GLS: variants seen among roughly 807,000 people sequenced by gnomAD.
GLS encodes the protein glutaminase kidney isoform, mitochondrial.
A neutral mutation model predicts 86.7 loss-of-function variants in GLS; 36 were observed. The observed-to-expected ratio is 0.42, with a 90% CI of 0.32 to 0.55. The LOEUF (loss-of-function observed/expected upper bound fraction) is 0.55. Among genes scored for constraint, GLS ranks in the 20% least tolerant of loss-of-function variants. GLS has a pLI of 0.17. For synonymous variants in GLS, 317 were observed against 305.9 expected, an observed-to-expected ratio of 1.04 and a Z score of -0.38; for missense variants, 528 against 833.4, an observed-to-expected ratio of 0.63 and a Z score of 4.51.
chr2:190,931,737 G>A (rs1234010469), intron 14 of GLS, 100 bp downstream of exon 14: 9 of 566,700 alleles, frequency 1.6e-5, no homozygotes, highest in South Asian at 1.3e-4. Flanking sequence ...TAGTGGCCTC[G>A]GGTCTTTGCT....
In GLS at chr2:190,880,914, A is replaced by ACCC. The variant is rs1688124365; in HGVS notation, c.-171_-170insCCC. ...CAGCAGCAGCAGCAGCAGCAGCAGCAGCAGCACCCGCATCCGCTGCGGGAG... is the reference window on the plus strand; with the variant it reads ...CAGCAGCAGCAGCAGCAGCAGCAGCACCCGCAGCACCCGCATCCGCTGCGGGAG... On this transcript the variant is annotated 5_prime_UTR_variant, in exon 1 of 18. Transcript: ENST00000320717. The ACCC allele has an allele frequency of 1.4e-5, 13 of 938,330 alleles. No homozygotes were observed. The South Asian group carries it at 1.6e-4, about 11-fold the overall frequency. The allele number at this position is 938,330 out of a possible 1,614,324, so 58.1% of individuals were successfully genotyped here.
chr2:190,906,069 C>G (rs1292228758), intron 6 of GLS, among the ~76,000 whole-genome samples: 1 of 152,048 alleles, frequency 6.6e-6, no homozygotes, highest in Non-Finnish European at 1.5e-5. Flanking sequence ...AGAGCAGTTA[C>G]ATTTTCTTTC....
chr2:190,924,478 A>C lies in GLS; in HGVS notation c.1198-65A>C, dbSNP rs116739893. On this transcript the variant is annotated intron_variant, in intron 10 of 17. Transcript: ENST00000320717. The surrounding 1 kb of genome is among the most constrained non-coding windows in gnomAD (Gnocchi z 5.2). ...CTTGTGTACATTTGAAATTTTTCATATATTTCTCTACTTATGTGCATTCCT... is the reference window on the plus strand; with the variant it reads ...CTTGTGTACATTTGAAATTTTTCATCTATTTCTCTACTTATGTGCATTCCT... The C allele has an allele frequency of 4.6e-5, 38 of 821,314 alleles. No homozygotes were observed. In the African/African-American group the frequency reaches 6.2e-4, roughly 13 times the overall value. The allele number at this position is 821,314 out of a possible 1,614,324, so 50.9% of individuals were successfully genotyped here.
chr2:190,917,633 A>G (rs1689581944), intron 7 of GLS, among the ~76,000 whole-genome samples: 1 of 152,336 alleles, frequency 6.6e-6, no homozygotes, highest in East Asian at 1.9e-4. Context: ...TTTCTTAAAT[A>G]GTAAGACTTG....
intron 1 of GLS, among the ~76,000 whole-genome samples, 179 bp from the exon 2 acceptor site, chr2:190,894,973 A>T (rs566666614): frequency 6.6e-6 from 1 of 152,204 alleles, no homozygotes; most frequent in East Asian, 1.9e-4. Flanking sequence ...CTTGTTTTTC[A>T]GTGTGGTTTA....
chr2:190,883,124 A>G (rs1487936899), intron 1 of GLS, among the ~76,000 whole-genome samples: 2 of 152,146 alleles, frequency 1.3e-5, no homozygotes, highest in African/African-American at 4.8e-5. Context: ...CAAACAGGAA[A>G]TTGAGCTTCT....
In GLS at chr2:190,930,671, C is replaced by T. The variant is rs1028686249; in HGVS notation, c.1557+103C>T. 1.3e-5 allele frequency: 14 copies of T among 1,062,630 alleles called. No individual in the cohort carries two copies. The highest frequency in any genetic ancestry group is 5.1e-5 in the East Asian group (2 of 39,430). The allele number at this position is 1,062,630 out of a possible 1,614,324, so 65.8% of individuals were successfully genotyped here. On this transcript the variant is annotated intron_variant, in intron 13 of 17. Coordinates refer to ENST00000320717, the MANE Select transcript of GLS (RefSeq NM_014905.5). The surrounding 1 kb of genome is among the most constrained non-coding windows in gnomAD (Gnocchi z 5.0). The stretch of plus-strand genomic sequence containing the variant: ...CATAGTTCATTAACTCTTGGCCCTC[C>T]GCCTATAGTGTGCCAGTTACTAGGG...
At chr2:190,940,024 A>T (rs2124930035) in intron 14 of GLS, among the ~76,000 whole-genome samples, 1 of 151,986 alleles carries the variant, frequency 6.6e-6, no homozygotes, top group South Asian at 2.1e-4. Context: ...ATCTTTATAT[A>T]TGTTCACTTC....
Position 190,880,873 on chromosome 2 carries a change from GCA to G in GLS, c.-211_-210del. ...GAACCGGTCGCGGCAATCCTAGCGC[GCA>G]GCAGCAGCAGCAGCAGCAGCAGCAG... On this transcript the variant is annotated 5_prime_UTR_variant, in exon 1 of 18. Transcript: ENST00000320717. 4 of 88,606 alleles carry G rather than the reference GCA, an allele frequency of 4.5e-5. No homozygotes were observed. The South Asian group carries it at 6.6e-4, about 15-fold the overall frequency. 5.5% of individuals were successfully genotyped at this position (88,606 alleles called of 1,614,324 possible).
intron 14 of GLS, among the ~76,000 whole-genome samples, chr2:190,952,564 G>C (rs1431533858): frequency 6.6e-6 from 1 of 152,190 alleles, no homozygotes; most frequent in African/African-American, 2.4e-5. Context: ...GAAGGGGGAA[G>C]CCATACTGGA....
chr2:190,943,211 G>T lies in GLS; in HGVS notation c.1651-10354G>T, dbSNP rs1001146325. Reference sequence around the variant, plus strand: ...TAGCTAATGTTTGAGATATTTGTGAGATATCTAAGTAGTGATGTTGAGTAA... The same window carrying T: ...TAGCTAATGTTTGAGATATTTGTGATATATCTAAGTAGTGATGTTGAGTAA... On this transcript the variant is annotated intron_variant, in intron 14 of 17. Transcript: ENST00000320717. This position sits in a 1 kb window ranked among gnomAD's most constrained non-coding sequence, Gnocchi z 4.5. 1.3e-5 allele frequency among the ~76,000 whole-genome samples: 2 copies of T among 152,180 alleles called. No individual in the cohort carries two copies. The highest frequency in any genetic ancestry group is 4.8e-5 in the African/African-American group (2 of 41,420).
chr2:190,897,468 A>T lies in GLS; in HGVS notation c.605+1743A>T, dbSNP rs1688784942. ...TGTTTTAAACACTAATCCAATTTTT[A>T]AAAATCTATGCTTGTAATACAGGCA... On this transcript the variant is annotated intron_variant, in intron 3 of 17. Transcript: ENST00000320717. The surrounding 1 kb of genome is among the most constrained non-coding windows in gnomAD (Gnocchi z 4.3). 6.6e-6 allele frequency among the ~76,000 whole-genome samples: 1 copy of T among 152,236 alleles called. No individual in the cohort carries two copies. The highest frequency in any genetic ancestry group is 6.5e-5 in the Admixed American group (1 of 15,284).
chr2:190,946,693 T>C (rs1690584605), intron 14 of GLS, among the ~76,000 whole-genome samples: 1 of 152,158 alleles, frequency 6.6e-6, no homozygotes, highest in Non-Finnish European at 1.5e-5. Context: ...CTCCATCTTC[T>C]CCCTTTCTTC....
rs1184086406 is a variant in GLS, at chr2:190,897,357, T to C, written c.605+1632T>C. The stretch of plus-strand genomic sequence containing the variant: ...CATGTTGTTATGTTTAAATATGAAA[T>C]TAAAAACAATTTAAATCCTCTGATT... On this transcript the variant is annotated intron_variant, in intron 3 of 17. Coordinates refer to ENST00000320717, the MANE Select transcript of GLS (RefSeq NM_014905.5). This position sits in a 1 kb window ranked among gnomAD's most constrained non-coding sequence, Gnocchi z 4.3. Among the ~76,000 whole-genome samples, 1 of 152,190 alleles carries C rather than the reference T, an allele frequency of 6.6e-6. No individual in the cohort carries two copies. Among genetic ancestry groups the C allele is most frequent in the Non-Finnish European group, 1.5e-5 (1 of 68,026 alleles).
At chr2:190,948,713 C>T (rs1005818772) in intron 14 of GLS, among the ~76,000 whole-genome samples, 3 of 152,048 alleles carry the variant, frequency 2.0e-5, no homozygotes, top group African/African-American at 7.3e-5. Flanking sequence ...TCCATGTGGT[C>T]ATGTGTTATA....
rs1378590198 is a variant in GLS at position 190,947,448 on chromosome 2, AGTG to A, written c.1651-6116_1651-6114del. Among the ~76,000 whole-genome samples, 1 of 152,232 alleles carries A rather than the reference AGTG, an allele frequency of 6.6e-6. No individual in the cohort carries two copies. The highest frequency in any genetic ancestry group is 1.5e-5 in the Non-Finnish European group (1 of 68,044). ...AGAGACTTGATAAGAAAAATGCAGTAGTGCTGGAAAATCTACAAGATGAAGGGG... is the reference window on the plus strand; with the variant it reads ...AGAGACTTGATAAGAAAAATGCAGTACTGGAAAATCTACAAGATGAAGGGG... On this transcript the variant is annotated intron_variant, in intron 14 of 17. Coordinates refer to ENST00000320717, the MANE Select transcript of GLS (RefSeq NM_014905.5). This position sits in a 1 kb window ranked among gnomAD's most constrained non-coding sequence, Gnocchi z 5.0.
intron 12 of GLS, among the ~76,000 whole-genome samples, chr2:190,929,457 T>A (rs1690027733): frequency 6.6e-6 from 1 of 151,060 alleles, no homozygotes; most frequent in Non-Finnish European, 1.5e-5. Context: ...TTCATATCTA[T>A]CCCAAACTGT....
At chr2:190,923,841 C>G in intron 9 of GLS, 76 bp from the exon 10 acceptor site, 1 of 871,334 alleles carries the variant, frequency 1.1e-6, no homozygotes, top group Non-Finnish European at 1.9e-6. Context: ...CTGTACATTG[C>G]TATGCAAATG....
At position 190,938,966 on chromosome 2, in the gene GLS, C is replaced by T. The variant is rs944918159; in HGVS notation, c.1650+7329C>T. Among the ~76,000 whole-genome samples the T allele has an allele frequency of 3.3e-5, 5 of 151,640 alleles. No homozygotes were observed. Among genetic ancestry groups the T allele is most frequent in the African/African-American group, 1.2e-4 (5 of 41,408 alleles). On this transcript the variant is annotated intron_variant, in intron 14 of 17. Coordinates refer to ENST00000320717, the MANE Select transcript of GLS (RefSeq NM_014905.5). The surrounding 1 kb of genome is among the most constrained non-coding windows in gnomAD (Gnocchi z 4.1). ...GTAAATCTAAAAATAAATGTTACAT[C>T]ACTGGCTTTTTAAAATAAATTCCTT...
Sources: allele counts gnomAD v4.1 joint callset (sites outside exome capture counted in the v4.1 genomes callset), GRCh38; gene constraint gnomAD v4.1.1; non-coding constraint Gnocchi (gnomAD v3.1); transcripts MANE v1.5; gene names NCBI Gene and HGNC (gene_info 2026-07-23, HGNC 2026-07-21).